The following MXRA7 variants were observed in gnomAD, a reference collection of about 807,000 sequenced individuals.
MXRA7 encodes the protein matrix-remodeling-associated protein 7.
MXRA7 carries 18 observed loss-of-function variants against 17.4 expected under a neutral mutation model. The observed-to-expected ratio is 1.03, with a 90% CI of 0.71 to 1.53. The LOEUF (loss-of-function observed/expected upper bound fraction) is 1.53, where lower values mean the gene tolerates loss of function less well. Ranked by LOEUF, MXRA7 falls within the 40% of genes most tolerant of loss-of-function variation. MXRA7 has a pLI of 0.00. For synonymous variants in MXRA7, 70 were observed against 101.7 expected (o/e 0.69, Z 1.87); for missense variants, 141 against 209.3 (o/e 0.67, Z 2.01).
intron 1 of MXRA7, among the ~76,000 whole-genome samples, chr17:76,697,025 C>G (rs1030359515): frequency 1.8e-4 from 28 of 152,298 alleles, no homozygotes; most frequent in African/African-American, 6.7e-4. Context: ...CAGGAGTGTT[C>G]AGGCTACTCG....
intron 3 of MXRA7, among the ~76,000 whole-genome samples, chr17:76,682,342 G>C (rs1464942497): frequency 1.3e-5 from 2 of 152,204 alleles, no homozygotes; most frequent in Non-Finnish European, 2.9e-5. Flanking sequence ...AAAGGCATCA[G>C]AGGCATGGAG....
intron 1 of MXRA7, 99 bp downstream of exon 1, chr17:76,710,506 G>T: frequency 2.9e-6 from 3 of 1,023,876 alleles, no homozygotes; most frequent in Non-Finnish European, 3.7e-6. Context: ...GGCAGCCTGG[G>T]CTGGAGGCCG....
chr17:76,685,263 G>A (rs772051100), intron 2 of MXRA7, 98 bp from the exon 3 acceptor site: 7 of 830,636 alleles, frequency 8.4e-6, no homozygotes, highest in Non-Finnish European at 1.2e-5. Flanking sequence ...AACACCTCAA[G>A]CAGAGGCCAC....
At chr17:76,683,835 C>T in intron 3 of MXRA7, 1 of 1,608,834 alleles carries the variant, frequency 6.2e-7, no homozygotes, top group Non-Finnish European at 8.5e-7. Context: ...TCTAAGAAAT[C>T]AGTGTCCTTA....
At chr17:76,673,343 G>A (rs1377858803) in exon 4 of MXRA7, 2 of 152,258 alleles carry the variant, frequency 1.3e-5, no homozygotes, top group African/African-American at 2.4e-5. Flanking sequence ...GAGACTAGAC[G>A]TGGATACTCC....
chr17:76,698,364 G>T (rs4789346), intron 1 of MXRA7, among the ~76,000 whole-genome samples: 4 of 149,888 alleles, frequency 2.7e-5, no homozygotes, highest in African/African-American at 7.5e-5. Context: ...TGCAATGGGC[G>T]GGGGGGGAGC....
chr17:76,682,053 C>A (rs137988830), intron 3 of MXRA7, among the ~76,000 whole-genome samples: 1 of 152,194 alleles, frequency 6.6e-6, no homozygotes, highest in East Asian at 1.9e-4. Flanking sequence ...CAGACCTGAC[C>A]GCTTTCTGGC....
At chr17:76,707,344 G>T (rs1442302819) in intron 1 of MXRA7, among the ~76,000 whole-genome samples, 2 of 129,310 alleles carry the variant, frequency 1.5e-5, no homozygotes, top group Non-Finnish European at 3.1e-5. Context: ...TCGTTCTGTT[G>T]CCCAGGCTGA....
chr17:76,694,270 G>A (rs975152370), intron 1 of MXRA7, among the ~76,000 whole-genome samples: 5 of 151,972 alleles, frequency 3.3e-5, no homozygotes, highest in South Asian at 4.1e-4. Flanking sequence ...CCTGAGAACC[G>A]CTCCATTCCA....
At chr17:76,696,949 G>A (rs9807068) in intron 1 of MXRA7, among the ~76,000 whole-genome samples, 3,239 of 152,190 alleles carry the variant, frequency 0.021, 110 homozygotes, top group African/African-American at 0.073. Flanking sequence ...GCAGCTGCTC[G>A]AGCGCTGACT....
chr17:76,706,271 TGCCGTCACAGAGGCCCAC>T, intron 1 of MXRA7, among the ~76,000 whole-genome samples: 6 of 128,004 alleles, frequency 4.7e-5, no homozygotes, highest in African/African-American at 8.6e-5. Context: ...AGGCCCACGC[TGCCGTCACAGAGGCCCAC>T]GCTGCCGTCA....
Position 76,697,188 on chromosome 17 carries a change from G to A in MXRA7, c.343-9012C>T, listed in dbSNP as rs77495648. On this transcript the variant is annotated intron_variant, in intron 1 of 3. Transcript: ENST00000449428. ...TAGGGTGGGCCCTAACCCAAGGACT[G>A]CTGTCCTTATAAGAGGAAACTCGGA... Among the ~76,000 whole-genome samples the A allele has an allele frequency of 9.1e-3, 1,391 of 152,266 alleles. 26 individuals are homozygous for A. Among genetic ancestry groups the A allele is most frequent in the African/African-American group, 0.031 (1,299 of 41,548 alleles).
rs970312541 is a variant in MXRA7, at chr17:76,680,340, C to G, written c.*527G>C. 1 of 985,406 alleles carries G rather than the reference C, an allele frequency of 1.0e-6. No individual in the cohort carries two copies. The highest frequency in any genetic ancestry group is 1.7e-5 in the African/African-American group (1 of 57,208). 61.0% of individuals were successfully genotyped at this position (985,406 alleles called of 1,614,324 possible). On this transcript the variant is annotated 3_prime_UTR_variant, in exon 4 of 4. Transcript: ENST00000449428. Reference sequence around the variant, plus strand: ...TGGCATCTCACCCCCGACAACCAAGCCAGCCACAGAGAGAAGTGGGGTTCC... The same window carrying G: ...TGGCATCTCACCCCCGACAACCAAGGCAGCCACAGAGAGAAGTGGGGTTCC...
chr17:76,688,367 CTCGGCTCACA>C, intron 1 of MXRA7, 191 bp from the exon 2 acceptor site: 1 of 1,436,954 alleles, frequency 7.0e-7, no homozygotes. Context: ...GCCAAAGTGA[CTCGGCTCACA>C]AATGCTGAGC....
At chr17:76,698,848 G>C (rs1048066576) in intron 1 of MXRA7, among the ~76,000 whole-genome samples, 1 of 149,134 alleles carries the variant, frequency 6.7e-6, no homozygotes, top group Admixed American at 6.8e-5. Flanking sequence ...TCAGCCTCCC[G>C]AGTAGCTGGA....
intron 2 of MXRA7, among the ~76,000 whole-genome samples, chr17:76,686,028 C>T (rs942356959): frequency 1.3e-4 from 20 of 152,222 alleles, no homozygotes; most frequent in African/African-American, 4.3e-4. Context: ...AAGTGCTGCC[C>T]TCTCTGTCCC....
At position 76,706,374 on chromosome 17, in the gene MXRA7, G is replaced by T. The variant is rs369898170; in HGVS notation, c.342+4231C>A. On this transcript the variant is annotated intron_variant, in intron 1 of 3. Transcript: ENST00000449428. ...CCACTCTGCCATCACAGAGGCCCAC[G>T]CTGCCGTCACAGAGGCCCACGCTGC... Among the ~76,000 whole-genome samples the T allele has an allele frequency of 9.1e-3, 755 of 83,202 alleles. 12 individuals are homozygous for T. Among genetic ancestry groups the T allele is most frequent in the East Asian group, 0.031 (78 of 2,516 alleles). The allele number at this position is 83,202 out of a possible 152,430, so 54.6% of individuals were successfully genotyped here.
chr17:76,695,377 T>TGCGC (rs2076523166), intron 1 of MXRA7, among the ~76,000 whole-genome samples: 1 of 151,524 alleles, frequency 6.6e-6, no homozygotes, highest in African/African-American at 2.4e-5. Context: ...TGTGTGTGTG[T>TGCGC]GCAACGGGAT....
chr17:76,697,439 A>G (rs1023041930), intron 1 of MXRA7, among the ~76,000 whole-genome samples: 1 of 152,208 alleles, frequency 6.6e-6, no homozygotes, highest in South Asian at 2.1e-4. Flanking sequence ...AAATGAATAC[A>G]TCATGTTTCT....
Sources: allele counts gnomAD v4.1 joint callset (sites outside exome capture counted in the v4.1 genomes callset), GRCh38; gene constraint gnomAD v4.1.1; transcripts MANE v1.5; gene names NCBI Gene and HGNC (gene_info 2026-07-23, HGNC 2026-07-21).